The following USP25 variants were observed in gnomAD, a reference collection of about 807,000 sequenced individuals.
USP25 encodes the protein ubiquitin specific peptidase 25, also known as ubiquitin carboxyl-terminal hydrolase 25.
A neutral mutation model predicts 158.5 loss-of-function variants in USP25; 85 were observed. The observed-to-expected ratio is 0.54, with a 90% CI of 0.45 to 0.64. The LOEUF is 0.64. Ranked by LOEUF, USP25 falls within the 30% of genes least tolerant of loss-of-function variation. The pLI, the probability that USP25 is intolerant of heterozygous loss-of-function variation, is 0.00. For synonymous variants in USP25, 464 were observed against 460.4 expected (o/e 1.01, Z -0.10); for missense variants, 1,242 against 1,327.3 (o/e 0.94, Z 1.00).
intron 17 of USP25, among the ~76,000 whole-genome samples, chr21:15,841,189 G>A (rs2038316291): frequency 6.6e-6 from 1 of 152,094 alleles, no homozygotes; most frequent in African/African-American, 2.4e-5. Flanking sequence ...CAAAAACTTG[G>A]TGTGTTCATG....
intron 14 of USP25, among the ~76,000 whole-genome samples, chr21:15,830,295 C>T (rs903189435): frequency 9.2e-5 from 14 of 152,098 alleles, no homozygotes; most frequent in African/African-American, 3.1e-4. Context: ...TGGCTCTGCA[C>T]ATTTTCTAGA....
At chr21:15,742,909 A>G (rs776416315) in intron 1 of USP25, among the ~76,000 whole-genome samples, 24 of 152,170 alleles carry the variant, frequency 1.6e-4, no homozygotes, top group Non-Finnish European at 2.1e-4. Flanking sequence ...GGTATACCGC[A>G]TGTGGCTTCC....
chr21:15,840,703 T>C (rs2038291390), intron 17 of USP25, among the ~76,000 whole-genome samples: 1 of 152,210 alleles, frequency 6.6e-6, no homozygotes, highest in Admixed American at 6.5e-5. Context: ...GGATTTGACA[T>C]GTGTTGATCA....
At chr21:15,871,616 G>T (rs2039887757) in intron 23 of USP25, among the ~76,000 whole-genome samples, 1 of 152,092 alleles carries the variant, frequency 6.6e-6, no homozygotes, top group Non-Finnish European at 1.5e-5. Flanking sequence ...CTGTCACTTT[G>T]TACCTATCCG....
intron 20 of USP25, among the ~76,000 whole-genome samples, 198 bp from the exon 21 acceptor site, chr21:15,864,070 T>A (rs1397820807): frequency 1.4e-5 from 2 of 143,242 alleles, no homozygotes; most frequent in Non-Finnish European, 3.0e-5. Context: ...AGGGCCTTTG[T>A]GGTCAGTTAT....
intron 20 of USP25, among the ~76,000 whole-genome samples, chr21:15,852,055 A>G (rs1200956071): frequency 6.6e-6 from 1 of 152,170 alleles, no homozygotes; most frequent in Non-Finnish European, 1.5e-5. Context: ...CTCTCAGCAC[A>G]TAATCTAAAT....
At position 15,847,667 on chromosome 21, in the gene USP25, C is replaced by G. The variant is rs190641000; in HGVS notation, c.2342C>G (p.Pro781Arg). 1.6e-4 allele frequency: 242 copies of G among 1,548,550 alleles called. No homozygotes were observed. In the African/African-American group the frequency reaches 3.0e-3, roughly 19 times the overall value. The change falls in exon 19 of 26, where the codon CCT becomes CGT. Residue 781 changes from proline to arginine, a missense_variant. By Grantham distance (103) the Pro-to-Arg change is moderately radical. Transcript: ENST00000400183. ...ATTAATGATTTCCTTCTGCAGAAAC[C>G]TGAAAATACTACAAGCCAACCACTT... ...KSPETVLQSK[P>R]ENTTSQPLSN...
intron 19 of USP25, among the ~76,000 whole-genome samples, chr21:15,848,347 C>T (rs900198890): frequency 2.6e-5 from 4 of 152,120 alleles, no homozygotes; most frequent in African/African-American, 9.7e-5. Flanking sequence ...AGTTTTCCAA[C>T]AGTATGGAGG....
chr21:15,873,032 G>GT (rs1035170177), intron 23 of USP25, among the ~76,000 whole-genome samples: 40 of 151,996 alleles, frequency 2.6e-4, no homozygotes, highest in Non-Finnish European at 1.2e-4. Context: ...GCTAGATATA[G>GT]TTTTTATTTT....
In USP25 at chr21:15,878,713, T is replaced by G; in HGVS notation, c.*238T>G. The G allele has an allele frequency of 5.0e-6, 2 of 403,574 alleles. No individual in the cohort carries two copies. Among genetic ancestry groups the G allele is most frequent in the South Asian group, 5.4e-5 (1 of 18,380 alleles). 25.0% of individuals were successfully genotyped at this position (403,574 alleles called of 1,614,324 possible). A position where few individuals can be genotyped will look rare whatever the true frequency, so the allele number is the denominator to read the frequency against. On this transcript the variant is annotated 3_prime_UTR_variant, in exon 26 of 26. Coordinates refer to ENST00000400183, the MANE Select transcript of USP25 (RefSeq NM_001283041.3). ...GTATAATCACAAATCTAATTGATTT[T>G]ATTATGGCAAAACTATGCTTTTGCC...
intron 20 of USP25, among the ~76,000 whole-genome samples, chr21:15,857,275 G>A (rs1326958630): frequency 6.6e-6 from 1 of 152,120 alleles, no homozygotes; most frequent in African/African-American, 2.4e-5. Context: ...CAGCATTGTT[G>A]TTGCTGAATA....
chr21:15,740,863 TC>T (rs1169002189), intron 1 of USP25, among the ~76,000 whole-genome samples: 2 of 151,890 alleles, frequency 1.3e-5, no homozygotes, highest in East Asian at 3.9e-4. Context: ...ATACTGTCCC[TC>T]TTTTCTACAC....
chr21:15,853,279 A>ATACACATGTG (rs1306108406), intron 20 of USP25, among the ~76,000 whole-genome samples: 2 of 151,406 alleles, frequency 1.3e-5, no homozygotes, highest in Admixed American at 6.6e-5. Flanking sequence ...GTATACACAC[A>ATACACATGTG]TACACATGTG....
At chr21:15,840,332 G>T (rs1308278446) in intron 17 of USP25, among the ~76,000 whole-genome samples, 9 of 152,186 alleles carry the variant, frequency 5.9e-5, no homozygotes, top group Admixed American at 4.6e-4. Flanking sequence ...TATTATAATA[G>T]AATGTATATT....
rs1262376465 is a variant in USP25, at chr21:15,830,599, CAAGT to C, written c.1764+3_1764+6del. On this transcript the variant is annotated splice_donor_variant and coding_sequence_variant, in exon 15 of 26. Transcript: ENST00000400183. LOFTEE classifies it high-confidence loss of function. Reference sequence around the variant, plus strand: ...AATGTACTCTGACAAATCTATGATACAAGTAAGTGAAATTTTGAGCTAGTAATCA... The same window carrying C: ...AATGTACTCTGACAAATCTATGATACAAGTGAAATTTTGAGCTAGTAATCA... 1 of 1,587,570 alleles carries C rather than the reference CAAGT, an allele frequency of 6.3e-7. No homozygotes were observed. Among genetic ancestry groups the C allele is most frequent in the Non-Finnish European group, 8.6e-7 (1 of 1,167,506 alleles).
chr21:15,827,152 C>T lies in USP25; in HGVS notation c.1642C>T (p.Leu548=). ...CATAACGGAGGAAGAACTTTCTGTG[C>T]TGGAAAGTTGTTTACATCGCTGGAG... ...RHITEEELSV[L]ESCLHRWRTE... is the part of the protein sequence containing the mutation. Residue 548 remains leucine (L), a synonymous_variant, in exon 14 of 26, where the codon CTG becomes TTG. Coordinates refer to ENST00000400183, the MANE Select transcript of USP25 (RefSeq NM_001283041.3). 1 of 1,614,196 alleles carries T rather than the reference C, an allele frequency of 6.2e-7. No individual in the cohort carries two copies. The highest frequency in any genetic ancestry group is 8.5e-7 in the Non-Finnish European group (1 of 1,180,036).
At chr21:15,791,804 G>T (rs2035605389) in intron 5 of USP25, 140 bp downstream of exon 5, 1 of 817,860 alleles carries the variant, frequency 1.2e-6, no homozygotes, top group Middle Eastern at 4.1e-4. Flanking sequence ...AAACTAGCTT[G>T]GGGATTGAAG....
intron 1 of USP25, among the ~76,000 whole-genome samples, chr21:15,737,916 A>G (rs1175478011): frequency 6.6e-6 from 1 of 152,084 alleles, no homozygotes; most frequent in Non-Finnish European, 1.5e-5. Context: ...GAAAATCTGA[A>G]ATCTGAAATA....
At chr21:15,872,014 G>GTTTTTT (rs1158862222) in intron 23 of USP25, among the ~76,000 whole-genome samples, 5 of 71,640 alleles carry the variant, frequency 7.0e-5, no homozygotes, top group African/African-American at 1.0e-4. Context: ...AAGAAATACT[G>GTTTTTT]TTTTTTTTTT....
Sources: gnomAD v4.1 joint callset for allele counts (sites outside exome capture counted in the v4.1 genomes callset) on GRCh38, gnomAD v4.1.1 for gene constraint, MANE v1.5 for transcripts, NCBI Gene and HGNC (gene_info 2026-07-23, HGNC 2026-07-21) for gene names.